The following ZFR2 variants were observed in gnomAD, a reference collection of about 807,000 sequenced individuals.
ZFR2 encodes zinc finger RNA binding protein 2.
ZFR2 carries 104 observed loss-of-function variants against 105.7 expected under a neutral mutation model. The ratio of observed to expected loss-of-function variants is 0.98; its 90% confidence interval spans 0.84 to 1.16. The LOEUF (loss-of-function observed/expected upper bound fraction) is 1.16, where lower values mean the gene tolerates loss of function less well. Among genes scored for constraint, ZFR2 ranks in the 50% most tolerant of loss-of-function variants. The pLI, the probability that ZFR2 is intolerant of heterozygous loss-of-function variation, is 0.00. For synonymous variants in ZFR2, 634 were observed against 597.7 expected, an observed-to-expected ratio of 1.06 and a Z score of -0.89; for missense variants, 1,425 against 1,355.5, an observed-to-expected ratio of 1.05 and a Z score of -0.80.
At chr19:3,837,033 C>G (rs72972973) in intron 1 of ZFR2, among the ~76,000 whole-genome samples, 2 of 152,176 alleles carry the variant, frequency 1.3e-5, no homozygotes, top group Non-Finnish European at 1.5e-5. Context: ...GGCCCCCAAC[C>G]GGGCCCTGCT....
intron 17 of ZFR2, among the ~76,000 whole-genome samples, chr19:3,807,785 TG>T (rs759929640): frequency 1.5e-4 from 22 of 150,918 alleles, no homozygotes; most frequent in Middle Eastern, 3.4e-3. Flanking sequence ...TGCGTATGCA[TG>T]TGCGCCTGTG....
At chr19:3,857,554 C>G (rs1485599584) in intron 1 of ZFR2, among the ~76,000 whole-genome samples, 1 of 149,304 alleles carries the variant, frequency 6.7e-6, no homozygotes, top group African/African-American at 2.5e-5. Flanking sequence ...AAAAGCCGGG[C>G]ATGGTGGTGC....
At chr19:3,812,517 A>G (rs1445627153) in intron 14 of ZFR2, among the ~76,000 whole-genome samples, 2 of 151,942 alleles carry the variant, frequency 1.3e-5, no homozygotes, top group Non-Finnish European at 2.9e-5. Context: ...ATCTGTCCTC[A>G]CAGAAGGATT....
At chr19:3,822,903 G>A (rs1397287429) in intron 8 of ZFR2, among the ~76,000 whole-genome samples, 2 of 152,200 alleles carry the variant, frequency 1.3e-5, no homozygotes, top group Non-Finnish European at 2.9e-5. Flanking sequence ...CCAGGAAAGG[G>A]GCTAGACAGA....
At chr19:3,843,093 A>G (rs1326654465) in intron 1 of ZFR2, among the ~76,000 whole-genome samples, 1 of 107,994 alleles carries the variant, frequency 9.3e-6, no homozygotes, top group Non-Finnish European at 1.8e-5. Context: ...AAGAAAGCAG[A>G]GGCTCAAGAA....
intron 12 of ZFR2, among the ~76,000 whole-genome samples, chr19:3,817,445 G>A (rs1312055128): frequency 6.6e-6 from 1 of 151,750 alleles, no homozygotes; most frequent in Non-Finnish European, 1.5e-5. Context: ...TGTAATCTCA[G>A]CTACTTGGGA....
chr19:3,831,220 A>G lies in ZFR2; in HGVS notation c.852+83T>C, dbSNP rs2038010549. 9.1e-6 allele frequency: 13 copies of G among 1,429,412 alleles called. No individual in the cohort carries two copies. In the South Asian group the frequency reaches 1.6e-4, roughly 18 times the overall value. The allele number at this position is 1,429,412 out of a possible 1,614,324, so 88.5% of individuals were successfully genotyped here. On this transcript the variant is annotated intron_variant, in intron 5 of 18. Transcript: ENST00000262961. ...CTTTCAGCAGGCAGCGACCCTGACC[A>G]CCCCACCGGCGCCCACATTCGGGTT...
At chr19:3,819,852 CA>C (rs1555754315) in intron 11 of ZFR2, among the ~76,000 whole-genome samples, 4 of 138,648 alleles carry the variant, frequency 2.9e-5, no homozygotes, top group South Asian at 2.2e-4. Flanking sequence ...GACTCTGTCT[CA>C]AAAAAAAATA....
chr19:3,825,460 C>G, intron 6 of ZFR2, 53 bp from the exon 7 acceptor site: 25 of 1,516,848 alleles, frequency 1.6e-5, no homozygotes, highest in South Asian at 3.8e-5. Context: ...AGCCTGATGG[C>G]CTTTTTCAAG....
At chr19:3,843,252 CTT>C (rs1332151591) in intron 1 of ZFR2, among the ~76,000 whole-genome samples, 8 of 149,196 alleles carry the variant, frequency 5.4e-5, no homozygotes, top group East Asian at 2.0e-4. Flanking sequence ...GGGCGGATCA[CTT>C]GAGGTCAGGA....
Position 3,852,427 on chromosome 19 carries a change from C to G in ZFR2, c.53+16538G>C, listed in dbSNP as rs1259502515. 1.3e-5 allele frequency: 9 copies of G among 715,584 alleles called. No homozygotes were observed. In the East Asian group the frequency reaches 2.4e-4, roughly 19 times the overall value. The allele number at this position is 715,584 out of a possible 1,614,324, so 44.3% of individuals were successfully genotyped here. A position where few individuals can be genotyped will look rare whatever the true frequency, so the allele number is the denominator to read the frequency against. The stretch of plus-strand genomic sequence containing the variant: ...ACTGTGACTCTTCTCCTTATATCTC[C>G]TCCTCCAGCAGGCCAGCCTTGGGTC... On this transcript the variant is annotated intron_variant, in intron 1 of 18. Transcript: ENST00000262961.
intron 17 of ZFR2, among the ~76,000 whole-genome samples, chr19:3,807,828 G>A (rs1468106722): frequency 6.8e-6 from 1 of 147,374 alleles, no homozygotes; most frequent in South Asian, 2.2e-4. Context: ...GCCTGTATGT[G>A]CACTCATTCC....
At chr19:3,862,458 C>T (rs1426289446) in intron 1 of ZFR2, among the ~76,000 whole-genome samples, 1 of 152,092 alleles carries the variant, frequency 6.6e-6, no homozygotes. Flanking sequence ...CCACCACACC[C>T]AGGTAATTTT....
rs578161966 is a variant in ZFR2 at position 3,812,090 on chromosome 19, C to A, written c.2243-724G>T. On this transcript the variant is annotated intron_variant, in intron 14 of 18. Transcript: ENST00000262961. ...TCCTGAGTAGCTGGGATTACCGGCG[C>A]ACGCCACCACGCCCAGCTAATTTTT... Among the ~76,000 whole-genome samples the A allele has an allele frequency of 2.6e-5, 4 of 152,110 alleles. No individual in the cohort carries two copies. In the East Asian group the frequency reaches 7.8e-4, roughly 30 times the overall value.
chr19:3,816,116 G>A (rs1032740856), intron 13 of ZFR2, among the ~76,000 whole-genome samples: 1 of 151,248 alleles, frequency 6.6e-6, no homozygotes, highest in Non-Finnish European at 1.5e-5. Flanking sequence ...GCCCAGGCTG[G>A]TCTCAAACTC....
At chr19:3,830,680 G>A (rs1311132897) in intron 5 of ZFR2, among the ~76,000 whole-genome samples, 1 of 152,062 alleles carries the variant, frequency 6.6e-6, no homozygotes, top group Non-Finnish European at 1.5e-5. Flanking sequence ...GTGTCTCTCC[G>A]CGGTCCAGAG....
intron 14 of ZFR2, among the ~76,000 whole-genome samples, chr19:3,812,455 G>A (rs1426515710): frequency 3.9e-5 from 6 of 152,022 alleles, no homozygotes; most frequent in Non-Finnish European, 2.9e-5. Flanking sequence ...GGAAAAGGCC[G>A]ACAGGAAGTG....
intron 1 of ZFR2, among the ~76,000 whole-genome samples, chr19:3,859,784 ACACC>A (rs2145192792): frequency 1.3e-5 from 2 of 152,368 alleles, no homozygotes; most frequent in East Asian, 3.9e-4. Flanking sequence ...CAACACACAC[ACACC>A]CAGAATTTCA....
intron 14 of ZFR2, among the ~76,000 whole-genome samples, chr19:3,812,755 T>TAA (rs201787042): frequency 6.6e-6 from 1 of 151,544 alleles, no homozygotes; most frequent in African/African-American, 2.4e-5. Flanking sequence ...AGGCTCTTAT[T>TAA]AAAAAACAAA....
Sources: allele counts gnomAD v4.1 joint callset (sites outside exome capture counted in the v4.1 genomes callset), GRCh38; gene constraint gnomAD v4.1.1; transcripts MANE v1.5; gene names NCBI Gene and HGNC (gene_info 2026-07-23, HGNC 2026-07-21).